Variants in WWOX observed in about 807,000 individuals in gnomAD.
WWOX encodes the protein WW domain containing oxidoreductase.
In WWOX, 69 loss-of-function variants were observed where a neutral mutation model predicts 46.2. The observed-to-expected ratio is 1.49, with a 90% CI of 1.23 to 1.82. The LOEUF (loss-of-function observed/expected upper bound fraction) is 1.82, where lower values mean the gene tolerates loss of function less well. Among genes scored for constraint, WWOX ranks in the 40% most tolerant of loss-of-function variants. The pLI, the probability that WWOX is intolerant of heterozygous loss-of-function variation, is 0.00. For synonymous variants in WWOX, 359 were observed against 202.6 expected (o/e 1.77, Z -6.56); for missense variants, 919 against 542.6 (o/e 1.69, Z -6.89).
intron 8 of WWOX, among the ~76,000 whole-genome samples, chr16:79,095,408 A>G (rs534500947): frequency 1.4e-4 from 21 of 152,298 alleles, no homozygotes; most frequent in African/African-American, 4.8e-4. Flanking sequence ...AAATTGAGGC[A>G]CGGACAAAAT....
chr16:78,191,535 T>C (rs1290626449), intron 5 of WWOX, among the ~76,000 whole-genome samples: 1 of 152,224 alleles, frequency 6.6e-6, no homozygotes, highest in Non-Finnish European at 1.5e-5. Context: ...ACCTGTTTTG[T>C]ACATATTATA....
At chr16:78,997,833 C>A (rs973701384) in intron 8 of WWOX, among the ~76,000 whole-genome samples, 1 of 152,078 alleles carries the variant, frequency 6.6e-6, no homozygotes, top group Non-Finnish European at 1.5e-5. Flanking sequence ...GCTGCCTTCC[C>A]GGGAATTTCT....
At chr16:78,433,415 T>C (rs1226156407) in intron 8 of WWOX, among the ~76,000 whole-genome samples, 2 of 152,218 alleles carry the variant, frequency 1.3e-5, no homozygotes, top group African/African-American at 4.8e-5. Flanking sequence ...GAAATGGTTT[T>C]AGTAGGAAGT....
intron 5 of WWOX, among the ~76,000 whole-genome samples, chr16:78,384,761 G>A (rs1477791931): frequency 6.6e-6 from 1 of 152,172 alleles, no homozygotes; most frequent in Non-Finnish European, 1.5e-5. Context: ...TTAAATCTGT[G>A]TTTGCCAGTT....
chr16:79,151,668 G>C (rs2050281669), intron 8 of WWOX, among the ~76,000 whole-genome samples: 1 of 136,694 alleles, frequency 7.3e-6, no homozygotes, highest in South Asian at 2.6e-4. Flanking sequence ...GGGTGCTAGA[G>C]GATAGGCAAG....
chr16:78,282,239 AT>A (rs1252423485), intron 5 of WWOX, among the ~76,000 whole-genome samples: 1 of 152,202 alleles, frequency 6.6e-6, no homozygotes, highest in African/African-American at 2.4e-5. Flanking sequence ...CTGGGGAAAC[AT>A]TCTGGACACA....
At chr16:79,048,096 C>T (rs1468580566) in intron 8 of WWOX, among the ~76,000 whole-genome samples, 1 of 152,118 alleles carries the variant, frequency 6.6e-6, no homozygotes, top group Non-Finnish European at 1.5e-5. Context: ...AGATACAGGG[C>T]AATGGGCCTC....
intron 8 of WWOX, among the ~76,000 whole-genome samples, chr16:78,608,765 C>T (rs891744422): frequency 6.6e-6 from 1 of 152,140 alleles, no homozygotes; most frequent in Admixed American, 6.5e-5. Context: ...CAACTAAAGC[C>T]GGGGTCGCCT....
intron 8 of WWOX, chr16:78,896,014 C>G (rs1567633226): frequency 1.3e-5 from 2 of 152,098 alleles, no homozygotes; most frequent in Non-Finnish European, 2.9e-5. Context: ...GAACAGTTCT[C>G]AAACTTTGTT....
intron 8 of WWOX, among the ~76,000 whole-genome samples, chr16:79,044,941 A>G (rs931420017): frequency 6.6e-6 from 1 of 152,182 alleles, no homozygotes; most frequent in Non-Finnish European, 1.5e-5. Flanking sequence ...TGCTACAATA[A>G]TCAATGAGAT....
At chr16:78,967,210 G>A (rs13339134) in intron 8 of WWOX, among the ~76,000 whole-genome samples, 22 of 150,970 alleles carry the variant, frequency 1.5e-4, no homozygotes, top group African/African-American at 4.9e-4. Flanking sequence ...AGGAAAATGC[G>A]TGATTCAAAT....
chr16:79,104,857 G>T (rs997547867), intron 8 of WWOX, among the ~76,000 whole-genome samples: 1 of 152,134 alleles, frequency 6.6e-6, no homozygotes, highest in Admixed American at 6.6e-5. Flanking sequence ...CTTGACCAAA[G>T]GTGTCCAAAC....
In WWOX at chr16:79,153,780, T is replaced by C. The variant is rs1192572855; in HGVS notation, c.1057-57828T>C. 1.5e-4 allele frequency among the ~76,000 whole-genome samples: 23 copies of C among 152,108 alleles called. 1 individual carries two copies. The highest frequency in any genetic ancestry group is 1.4e-3 in the Admixed American group (22 of 15,278). The stretch of plus-strand genomic sequence containing the variant: ...GGGGGGGTTTTTTGTTGTTGTTGTT[T>C]AGCTGTTTATGGGTAGGAGAATGCG... On this transcript the variant is annotated intron_variant, in intron 8 of 8. Transcript: ENST00000566780.
At chr16:79,007,554 C>T (rs372377366) in intron 8 of WWOX, among the ~76,000 whole-genome samples, 52 of 152,282 alleles carry the variant, frequency 3.4e-4, no homozygotes, top group South Asian at 1.0e-3. Flanking sequence ...TATCCATAAC[C>T]GAATCCCCAC....
At position 78,430,288 on chromosome 16, in the gene WWOX, C is replaced by G. The variant is rs116976038; in HGVS notation, c.792-2200C>G. On this transcript the variant is annotated intron_variant, in intron 7 of 8. Transcript: ENST00000566780. The stretch of plus-strand genomic sequence containing the variant: ...TATCTCCACCTGGCTCTGCCCTTGA[C>G]ACATGGGGGTTATTACAATTCAGTG... Among the ~76,000 whole-genome samples the G allele has an allele frequency of 5.6e-3, 860 of 152,272 alleles. 30 individuals carry two copies. The East Asian group carries it at 0.1, about 18-fold the overall frequency.
At chr16:78,794,458 A>G (rs760437460) in intron 8 of WWOX, among the ~76,000 whole-genome samples, 5 of 152,250 alleles carry the variant, frequency 3.3e-5, no homozygotes, top group East Asian at 1.9e-4. Context: ...CCAAAAGACT[A>G]TGACAAATCC....
intron 8 of WWOX, among the ~76,000 whole-genome samples, chr16:78,980,250 G>T (rs1036268064): frequency 7.9e-5 from 12 of 152,114 alleles, no homozygotes; most frequent in African/African-American, 1.2e-4. Context: ...CTGTGAAGTT[G>T]GCTGTGTGAG....
intron 8 of WWOX, among the ~76,000 whole-genome samples, chr16:79,052,746 T>C (rs1278974685): frequency 6.6e-6 from 1 of 152,252 alleles, no homozygotes; most frequent in East Asian, 1.9e-4. Context: ...CTGGCGAGTG[T>C]ACCCTTTCTG....
rs180731593 is a variant in WWOX at position 78,900,360 on chromosome 16, G to A, written c.1057-311248G>A. ...AATGAGCTGTCACTCAAGTATGCAC[G>A]CTCATATTATTAAAAACTGTGCATG... On this transcript the variant is annotated intron_variant, in intron 8 of 8. Transcript: ENST00000566780. Among the ~76,000 whole-genome samples the A allele has an allele frequency of 2.9e-3, 438 of 152,138 alleles. 4 individuals are homozygous for A. The highest frequency in any genetic ancestry group is 2.1e-3 in the Non-Finnish European group (144 of 67,992).
Sources: allele counts gnomAD v4.1 joint callset (sites outside exome capture counted in the v4.1 genomes callset), GRCh38; gene constraint gnomAD v4.1.1; transcripts MANE v1.5; gene names NCBI Gene and HGNC (gene_info 2026-07-23, HGNC 2026-07-21).